The following NHSL1 variants were observed in gnomAD, a reference collection of about 807,000 sequenced individuals.
The protein encoded by NHSL1 is NHS-like protein 1.
NHSL1 carries 48 observed loss-of-function variants against 95.0 expected under a neutral mutation model. That is an observed-to-expected ratio of 0.51 (90% CI 0.40 to 0.64). The LOEUF is 0.64. NHSL1 is among the 30% of genes least tolerant of loss of function. The probability of loss-of-function intolerance (pLI) is 0.00; values close to 1 mark genes in which losing one functional copy is unlikely to be tolerated. For missense variants in NHSL1, 1,971 were observed against 2,077.7 expected (o/e 0.95, Z 1.00); for synonymous variants, 783 against 833.9 (o/e 0.94, Z 1.05).
upstream of NHSL1, among the ~76,000 whole-genome samples, chr6:138,546,230 A>G (rs1782788061): frequency 6.6e-6 from 1 of 151,956 alleles, no homozygotes; most frequent in African/African-American, 2.4e-5. Flanking sequence ...ATATATGTGA[A>G]ATGCTCTTTC....
At chr6:138,602,319 T>C (rs1055588421) in intron 1 of NHSL1, among the ~76,000 whole-genome samples, 1 of 152,192 alleles carries the variant, frequency 6.6e-6, no homozygotes, top group Non-Finnish European at 1.5e-5. Context: ...TCCTTTCTTA[T>C]GTGCAAATAC....
intron 3 of NHSL1, among the ~76,000 whole-genome samples, chr6:138,461,016 T>C (rs1777963172): frequency 6.6e-6 from 1 of 152,010 alleles, no homozygotes. Flanking sequence ...GTTTCAAAAA[T>C]TGGTAATCCT....
Position 138,431,986 on chromosome 6 carries a change from T to G in NHSL1, c.2359A>C (p.Thr787Pro). 2 of 1,551,738 alleles carry G rather than the reference T, an allele frequency of 1.3e-6. No individual in the cohort carries two copies. Among genetic ancestry groups the G allele is most frequent in the Non-Finnish European group, 1.7e-6 (2 of 1,146,990 alleles). ...TTCCCCGGATCTTCCTGCATGCCCG[T>G]GTAGTCAATGTAATAACCCCAGGGG... ...TDPWGYYIDY[T>P]GMQEDPGNPA... The change falls in exon 6 of 8, where the codon ACG becomes CCG. Residue 787 changes from threonine (T) to proline (P), a missense_variant. Thr to Pro is a conservative substitution (Grantham distance 38). Coordinates refer to ENST00000343505, the MANE Select transcript of NHSL1 (RefSeq NM_001144060.2). This position sits in a 1 kb window ranked among gnomAD's most constrained non-coding sequence, Gnocchi z 4.0.
At chr6:138,659,996 G>A (rs550743540) in intron 1 of NHSL1, among the ~76,000 whole-genome samples, 195 of 152,268 alleles carry the variant, frequency 1.3e-3, no homozygotes, top group Non-Finnish European at 2.3e-3. Flanking sequence ...GATTACAGGC[G>A]TGAGCCACCA....
intron 1 of NHSL1, among the ~76,000 whole-genome samples, chr6:138,643,060 G>GT (rs1784977407): frequency 6.6e-6 from 1 of 152,134 alleles, no homozygotes; most frequent in Non-Finnish European, 1.5e-5. Context: ...TCTTAAAGAT[G>GT]TTTTAAAGAA....
chr6:138,581,904 T>A (rs1052740566), intron 1 of NHSL1, among the ~76,000 whole-genome samples: 11 of 148,760 alleles, frequency 7.4e-5, no homozygotes, highest in Admixed American at 1.3e-4. Context: ...TTTCTTTTTT[T>A]TTTTTTTTTT....
At position 138,424,323 on chromosome 6, in the gene NHSL1, C is replaced by A; in HGVS notation, c.4579G>T (p.Glu1527Ter). Residue 1527 changes from glutamate (E) to a stop codon, truncating the protein, a stop_gained, in exon 8 of 8, where the codon GAG (glutamate) becomes TAG (stop). Coordinates refer to ENST00000343505, the MANE Select transcript of NHSL1 (RefSeq NM_001144060.2). LOFTEE classifies it low-confidence loss of function (END_TRUNC). The surrounding 1 kb of genome is among the most constrained non-coding windows in gnomAD (Gnocchi z 5.9). ...GGCTCCACGGCTTCCCCTTCTCCCTCCGAGATGACGGTCATGGGGCTGCTC... is the reference window on the plus strand; with the variant it reads ...GGCTCCACGGCTTCCCCTTCTCCCTACGAGATGACGGTCATGGGGCTGCTC... ...IQSSPMTVIS[E>*]GEGEAVEPVD... is the part of the protein sequence containing the mutation. 1 of 1,530,976 alleles carries A rather than the reference C, an allele frequency of 6.5e-7. No individual in the cohort carries two copies. 94.8% of individuals were successfully genotyped at this position (1,530,976 alleles called of 1,614,324 possible). A position where few individuals can be genotyped will look rare whatever the true frequency, so the allele number is the denominator to read the frequency against.
At chr6:138,536,284 T>C (rs1782340296) in intron 1 of NHSL1, among the ~76,000 whole-genome samples, 1 of 152,120 alleles carries the variant, frequency 6.6e-6, no homozygotes, top group African/African-American at 2.4e-5. Flanking sequence ...ACAAACTCAT[T>C]TTCAGCCAAG....
rs973532536 is a variant in NHSL1, at chr6:138,626,669, G to A, written c.96+65807C>T. ...AGCACTTTGGGAGGCCGAGGCGGGC[G>A]GATCACGAGGTCAGGAGATCGAGAC... is the stretch of plus-strand genomic sequence containing the variant. On this transcript the variant is annotated intron_variant, in intron 1 of 3. Transcript: ENST00000491526. Among the ~76,000 whole-genome samples, 3 of 71,370 alleles carry A rather than the reference G, an allele frequency of 4.2e-5. 1 individual carries two copies. Among genetic ancestry groups the A allele is most frequent in the Non-Finnish European group, 8.0e-5 (3 of 37,620 alleles). The allele number at this position is 71,370 out of a possible 152,430, so 46.8% of individuals were successfully genotyped here.
intron 3 of NHSL1, chr6:138,464,036 G>A: frequency 2.6e-6 from 1 of 379,866 alleles, no homozygotes; most frequent in South Asian, 3.8e-5. Context: ...TGGCAAGACT[G>A]AATAAATATT....
upstream of NHSL1, among the ~76,000 whole-genome samples, chr6:138,504,111 T>C (rs1780833920): frequency 6.6e-6 from 1 of 152,116 alleles, no homozygotes; most frequent in Non-Finnish European, 1.5e-5. Context: ...GGTTCATGCC[T>C]GTAGTCCTAG....
At chr6:138,637,025 T>C (rs1784897547) in intron 1 of NHSL1, among the ~76,000 whole-genome samples, 1 of 151,984 alleles carries the variant, frequency 6.6e-6, no homozygotes, top group Admixed American at 6.6e-5. Context: ...TACAGAGTAA[T>C]CAAAACAGCA....
In NHSL1 at chr6:138,587,489, G is replaced by A. The variant is rs1784155954; in HGVS notation, c.97-91118C>T. Among the ~76,000 whole-genome samples the A allele has an allele frequency of 4.6e-5, 6 of 129,784 alleles. No homozygotes were observed. In the East Asian group the frequency reaches 1.1e-3, roughly 24 times the overall value. The allele number at this position is 129,784 out of a possible 152,430, so 85.1% of individuals were successfully genotyped here. ...TCCCAGCTACTCGGGAGGGCATCAA[G>A]AGCAAAACTCTGTCAAAAAAAAAAA... On this transcript the variant is annotated intron_variant, in intron 1 of 3. Coordinates refer to the NHSL1 transcript ENST00000491526.
intron 1 of NHSL1, among the ~76,000 whole-genome samples, chr6:138,641,066 G>GC (rs1784953565): frequency 6.6e-6 from 1 of 152,200 alleles, no homozygotes; most frequent in Admixed American, 6.5e-5. Flanking sequence ...GAAGATTCTT[G>GC]CCCCCCTTAG....
At chr6:138,693,113 G>A (rs1264409016), upstream of NHSL1, among the ~76,000 whole-genome samples, 2 of 151,526 alleles carry the variant, frequency 1.3e-5, no homozygotes, top group African/African-American at 2.4e-5. This position sits in a 1 kb window ranked among gnomAD's most constrained non-coding sequence, Gnocchi z 4.3. Context: ...GGGGAGCCGC[G>A]AGTCCCGCTG....
At chr6:138,650,224 C>G (rs1785072030) in intron 1 of NHSL1, 2 of 627,256 alleles carry the variant, frequency 3.2e-6, no homozygotes, top group South Asian at 2.9e-5. Context: ...TCAGGTTACT[C>G]CAGGGTGAAA....
intron 1 of NHSL1, among the ~76,000 whole-genome samples, chr6:138,682,526 T>C (rs987868452): frequency 1.3e-5 from 2 of 152,230 alleles, no homozygotes; most frequent in Non-Finnish European, 2.9e-5. Flanking sequence ...TATTCCTTAT[T>C]ATTTAGTTAT....
At chr6:138,612,797 GT>G (rs1784531572) in intron 1 of NHSL1, among the ~76,000 whole-genome samples, 1 of 152,196 alleles carries the variant, frequency 6.6e-6, no homozygotes, top group African/African-American at 2.4e-5. Context: ...AAATGAGTGA[GT>G]TTGTGGAGTT....
intron 1 of NHSL1, among the ~76,000 whole-genome samples, chr6:138,526,843 T>G (rs1157598022): frequency 5.9e-5 from 9 of 152,236 alleles, no homozygotes; most frequent in Admixed American, 5.9e-4. Context: ...CTCTTTTCCT[T>G]GTGTTTTTAA....
Sources: allele counts gnomAD v4.1 joint callset (sites outside exome capture counted in the v4.1 genomes callset), GRCh38; gene constraint gnomAD v4.1.1; non-coding constraint Gnocchi (gnomAD v3.1); transcripts MANE v1.5; gene names NCBI Gene and HGNC (gene_info 2026-07-23, HGNC 2026-07-21).